PGM2L1: variants seen among roughly 807,000 people sequenced by gnomAD.
PGM2L1 encodes glucose 1,6-bisphosphate synthase.
In PGM2L1, 35 loss-of-function variants were observed where a neutral mutation model predicts 73.4. The observed-to-expected ratio is 0.48, with a 90% CI of 0.36 to 0.63. The LOEUF (loss-of-function observed/expected upper bound fraction) is 0.63. Ranked by LOEUF, PGM2L1 falls within the 30% of genes least tolerant of loss-of-function variation. The probability of loss-of-function intolerance (pLI) is 0.00; values close to 1 mark genes in which losing one functional copy is unlikely to be tolerated. For synonymous variants in PGM2L1, 225 were observed against 253.8 expected (o/e 0.89, Z 1.08); for missense variants, 570 against 742.0 (o/e 0.77, Z 2.69).
chr11:74,385,028 GTCT>G (rs558794485), intron 1 of PGM2L1, among the ~76,000 whole-genome samples: 97 of 152,286 alleles, frequency 6.4e-4, no homozygotes, highest in African/African-American at 2.2e-3. Flanking sequence ...CTGAATTTCT[GTCT>G]TCTTCTAGAT....
chr11:74,383,824 A>AATAAATAAATATATATAT (rs61026077), intron 1 of PGM2L1, among the ~76,000 whole-genome samples: 7 of 121,818 alleles, frequency 5.7e-5, no homozygotes, highest in South Asian at 5.3e-4. Context: ...TATATAAATA[A>AATAAATAAATATATATAT]ATATATATAT....
At chr11:74,390,977 TG>T (rs1863093683) in intron 1 of PGM2L1, among the ~76,000 whole-genome samples, 2 of 152,176 alleles carry the variant, frequency 1.3e-5, no homozygotes, top group Admixed American at 6.5e-5. Context: ...AGTTATTTAA[TG>T]GGTACAGAAA....
intron 5 of PGM2L1, chr11:74,355,168 G>A: frequency 7.1e-7 from 1 of 1,409,064 alleles, no homozygotes; most frequent in Non-Finnish European, 9.9e-7. Context: ...GGTGGCAGTG[G>A]GGATGGCTAT....
At chr11:74,397,265 A>G (rs1327448235) in intron 1 of PGM2L1, among the ~76,000 whole-genome samples, 1 of 151,994 alleles carries the variant, frequency 6.6e-6, no homozygotes, top group African/African-American at 2.4e-5. Context: ...CCTCTTTTAC[A>G]AGTAAGATAG....
intron 5 of PGM2L1, among the ~76,000 whole-genome samples, chr11:74,367,148 AAT>A (rs879614089): frequency 2.6e-5 from 4 of 152,170 alleles, no homozygotes; most frequent in Non-Finnish European, 5.9e-5. Context: ...TGGTAATGTT[AAT>A]TTACAGAGAT....
At chr11:74,348,682 A>C (rs1388316118) in intron 6 of PGM2L1, among the ~76,000 whole-genome samples, 1 of 152,150 alleles carries the variant, frequency 6.6e-6, no homozygotes, top group Non-Finnish European at 1.5e-5. Context: ...AGTCTCTTTT[A>C]ATCTGTAAAT....
intron 9 of PGM2L1, among the ~76,000 whole-genome samples, 190 bp from the exon 10 acceptor site, chr11:74,343,606 G>T (rs1862217052): frequency 6.6e-6 from 1 of 151,986 alleles, no homozygotes; most frequent in Non-Finnish European, 1.5e-5. Flanking sequence ...TACTACTAAT[G>T]ACCTACTATT....
chr11:74,342,390 G>T, intron 12 of PGM2L1, 71 bp downstream of exon 12: 1 of 1,203,236 alleles, frequency 8.3e-7, no homozygotes. Context: ...AATCTGTCCT[G>T]CCTCTGGACT....
chr11:74,394,654 T>C (rs1446312860), intron 1 of PGM2L1, among the ~76,000 whole-genome samples: 2 of 152,214 alleles, frequency 1.3e-5, no homozygotes, highest in Non-Finnish European at 2.9e-5. Context: ...GAAATAAAAG[T>C]TCTTAATACA....
rs1224738103 is a variant in PGM2L1 at position 74,332,538 on chromosome 11, A to G, written c.*4114T>C. 1 of 152,638 alleles carries G rather than the reference A, an allele frequency of 6.6e-6. No individual in the cohort carries two copies. The highest frequency in any genetic ancestry group is 6.5e-5 in the Admixed American group (1 of 15,286). The allele number at this position is 152,638 out of a possible 1,614,324, so 9.5% of individuals were successfully genotyped here. A position where few individuals can be genotyped will look rare whatever the true frequency, so the allele number is the denominator to read the frequency against. Reference sequence around the variant, plus strand: ...AACAGGGCAATAGTCCTTCACAGTAACAAAATGTGCAAGGGTGCCTAGGAA... The same window carrying G: ...AACAGGGCAATAGTCCTTCACAGTAGCAAAATGTGCAAGGGTGCCTAGGAA... On this transcript the variant is annotated 3_prime_UTR_variant, in exon 14 of 14. Coordinates refer to ENST00000298198, the MANE Select transcript of PGM2L1 (RefSeq NM_173582.6).
At chr11:74,396,702 C>G (rs768311752) in intron 1 of PGM2L1, among the ~76,000 whole-genome samples, 2 of 152,294 alleles carry the variant, frequency 1.3e-5, no homozygotes, top group African/African-American at 2.4e-5. Flanking sequence ...GCCTGAGCCA[C>G]GGCGCCCGGC....
Position 74,342,517 on chromosome 11 carries a change from A to G in PGM2L1, c.1576T>C (p.Leu526=), listed in dbSNP as rs1443190411. 4 of 1,609,290 alleles carry G rather than the reference A, an allele frequency of 2.5e-6. No homozygotes were observed. Among genetic ancestry groups the G allele is most frequent in the African/African-American group, 2.7e-5 (2 of 74,688 alleles). Residue 526 remains leucine (L), a synonymous_variant, in exon 12 of 14, where the codon TTG becomes CTG. Transcript: ENST00000298198. ...CCAGTGGTAACGTCCCGTACATGCA[A>G]TATAGCAAATGTTCCACAAAATTTT... ...YPKFCGTFAI[L]HVRDVTTGYD...
chr11:74,378,220 T>G (rs887562421), intron 1 of PGM2L1, among the ~76,000 whole-genome samples: 5 of 151,996 alleles, frequency 3.3e-5, no homozygotes, highest in Non-Finnish European at 5.9e-5. Context: ...GAGAATCACT[T>G]GAACTAGGGA....
intron 1 of PGM2L1, among the ~76,000 whole-genome samples, chr11:74,386,307 A>G (rs894378610): frequency 6.6e-6 from 1 of 152,090 alleles, no homozygotes; most frequent in African/African-American, 2.4e-5. Context: ...TGGAAATTAA[A>G]GCTAAAATAA....
intron 1 of PGM2L1, among the ~76,000 whole-genome samples, chr11:74,395,706 C>T (rs1399067445): frequency 6.6e-6 from 1 of 151,732 alleles, no homozygotes; most frequent in Non-Finnish European, 1.5e-5. Context: ...CGTGCCTGAC[C>T]TCTCTTCATT....
intron 2 of PGM2L1, among the ~76,000 whole-genome samples, chr11:74,373,616 A>G (rs577756372): frequency 6.6e-6 from 1 of 152,364 alleles, no homozygotes; most frequent in South Asian, 2.1e-4. Context: ...AACACAAATT[A>G]TATCATATTA....
intron 1 of PGM2L1, among the ~76,000 whole-genome samples, chr11:74,377,832 T>C (rs1388008189): frequency 1.3e-5 from 2 of 152,184 alleles, no homozygotes; most frequent in East Asian, 1.9e-4. Flanking sequence ...ACTGATAAGA[T>C]CTGAATCTAT....
chr11:74,389,755 A>G (rs544867517), intron 1 of PGM2L1, among the ~76,000 whole-genome samples: 1 of 150,882 alleles, frequency 6.6e-6, no homozygotes, highest in South Asian at 2.1e-4. Flanking sequence ...CGACCGGGAA[A>G]ATAATTTTAG....
chr11:74,351,269 T>G, intron 6 of PGM2L1, 114 bp downstream of exon 6: 1 of 1,006,212 alleles, frequency 9.9e-7, no homozygotes, highest in Admixed American at 2.8e-5. Context: ...TTATGAGTAC[T>G]ATTTAGCTAT....
Sources: gnomAD v4.1 joint callset for allele counts (sites outside exome capture counted in the v4.1 genomes callset) on GRCh38, gnomAD v4.1.1 for gene constraint, MANE v1.5 for transcripts, NCBI Gene and HGNC (gene_info 2026-07-23, HGNC 2026-07-21) for gene names.